Variants in ZRANB3 observed in about 807,000 individuals in gnomAD.
ZRANB3 encodes DNA annealing helicase and endonuclease ZRANB3.
Under a neutral mutation model 133.8 loss-of-function variants are expected in ZRANB3, and 125 were observed. That is an observed-to-expected ratio of 0.93 (90% CI 0.81 to 1.08). The LOEUF is 1.08. Among genes scored for constraint, ZRANB3 ranks in the 50% least tolerant of loss-of-function variants. The pLI is 0.00. For synonymous variants in ZRANB3, 387 were observed against 432.7 expected (o/e 0.89, Z 1.31); for missense variants, 1,229 against 1,275.5 (o/e 0.96, Z 0.56).
chr2:135,319,510 C>T (rs1425564224), intron 6 of ZRANB3, among the ~76,000 whole-genome samples: 1 of 151,888 alleles, frequency 6.6e-6, no homozygotes, highest in Non-Finnish European at 1.5e-5. Context: ...TGTGTGTGTA[C>T]ATATATTTCT....
chr2:135,416,193 G>A (rs1198911266), intron 2 of ZRANB3, among the ~76,000 whole-genome samples: 34 of 151,714 alleles, frequency 2.2e-4, no homozygotes, highest in African/African-American at 3.9e-4. Flanking sequence ...TGACATGATT[G>A]TATATCTAGA....
chr2:135,420,091 T>TTATATATATA (rs201217358), intron 2 of ZRANB3, among the ~76,000 whole-genome samples: 2,342 of 72,114 alleles, frequency 0.032, 65 homozygotes, highest in Admixed American at 0.04. Context: ...TATCTTAGAT[T>TTATATATATA]TATATATATA....
intron 2 of ZRANB3, among the ~76,000 whole-genome samples, chr2:135,409,283 C>T (rs757925502): frequency 8.5e-5 from 13 of 152,110 alleles, no homozygotes; most frequent in Non-Finnish European, 1.3e-4. Flanking sequence ...CAAACATCTC[C>T]CACCAGGCCT....
intron 1 of ZRANB3, among the ~76,000 whole-genome samples, chr2:135,517,629 TG>T (rs1202050871): frequency 1.3e-5 from 2 of 152,240 alleles, no homozygotes; most frequent in African/African-American, 4.8e-5. Flanking sequence ...GGTTGCTGCC[TG>T]TTCCTTCCTC....
intron 8 of ZRANB3, among the ~76,000 whole-genome samples, chr2:135,297,406 G>A (rs946617589): frequency 9.8e-5 from 15 of 152,288 alleles, no homozygotes; most frequent in African/African-American, 2.2e-4. Flanking sequence ...CTAGTGTGCC[G>A]TTTGTGAAGC....
chr2:135,286,994 C>T (rs941947511), intron 8 of ZRANB3, among the ~76,000 whole-genome samples: 2 of 152,138 alleles, frequency 1.3e-5, no homozygotes, highest in Non-Finnish European at 2.9e-5. Context: ...AACTCTTTGC[C>T]TAGGCCAATA....
At chr2:135,242,627 C>G (rs1015453283) in intron 12 of ZRANB3, among the ~76,000 whole-genome samples, 7 of 151,922 alleles carry the variant, frequency 4.6e-5, no homozygotes. Context: ...TGTGTCCTTC[C>G]GTCCTGGGAA....
chr2:135,257,228 T>C (rs1381573190), intron 12 of ZRANB3, among the ~76,000 whole-genome samples: 2 of 152,236 alleles, frequency 1.3e-5, no homozygotes, highest in Non-Finnish European at 2.9e-5. Context: ...CTTTACTTTG[T>C]AGACTCACCC....
At chr2:135,483,070 A>G (rs1691911428) in intron 2 of ZRANB3, among the ~76,000 whole-genome samples, 1 of 152,114 alleles carries the variant, frequency 6.6e-6, no homozygotes, top group Non-Finnish European at 1.5e-5. Flanking sequence ...ATATTGGTCT[A>G]AAATTCTCTT....
At chr2:135,291,186 CT>C (rs199499131) in intron 8 of ZRANB3, among the ~76,000 whole-genome samples, 10 of 146,700 alleles carry the variant, frequency 6.8e-5, no homozygotes, top group Admixed American at 1.4e-4. Context: ...ATTCTTAATT[CT>C]TTTTTTTTTG....
chr2:135,501,288 T>C (rs987800700), intron 2 of ZRANB3, among the ~76,000 whole-genome samples: 8 of 152,102 alleles, frequency 5.3e-5, no homozygotes, highest in African/African-American at 1.9e-4. Context: ...CACCAGAATA[T>C]ACTCCTCACT....
intron 2 of ZRANB3, among the ~76,000 whole-genome samples, chr2:135,495,739 G>T (rs1021509182): frequency 1.1e-4 from 16 of 152,230 alleles, no homozygotes; most frequent in Non-Finnish European, 2.2e-4. Context: ...AATTTAGGAG[G>T]ATGGGGTTGT....
At chr2:135,340,135 T>G (rs1337646877) in intron 6 of ZRANB3, among the ~76,000 whole-genome samples, 1 of 151,102 alleles carries the variant, frequency 6.6e-6, no homozygotes, top group Non-Finnish European at 1.5e-5. Context: ...GACAGAGTCT[T>G]GCTCTTGTCG....
At position 135,474,510 on chromosome 2, in the gene ZRANB3, G is replaced by A. The variant is rs188860421; in HGVS notation, c.161+29819C>T. Reference sequence around the variant, plus strand: ...CACACGTTTAGTTACCATGAAATCTGATCATTCAAAAGAAGCTGGCGCCTC... The same window carrying A: ...CACACGTTTAGTTACCATGAAATCTAATCATTCAAAAGAAGCTGGCGCCTC... On this transcript the variant is annotated intron_variant, in intron 2 of 20. Transcript: ENST00000264159. Among the ~76,000 whole-genome samples, 11 of 152,124 alleles carry A rather than the reference G, an allele frequency of 7.2e-5. No individual in the cohort carries two copies. The East Asian group carries it at 1.9e-3, about 27-fold the overall frequency.
At chr2:135,463,625 C>T (rs1263299113) in intron 2 of ZRANB3, among the ~76,000 whole-genome samples, 2 of 152,110 alleles carry the variant, frequency 1.3e-5, no homozygotes, top group African/African-American at 4.8e-5. Context: ...CCATGTTGGG[C>T]AGGCTGATCT....
intron 11 of ZRANB3, 37 bp downstream of exon 11, chr2:135,268,921 TAGTA>T (rs1483192424): frequency 4.5e-6 from 7 of 1,560,878 alleles, no homozygotes; most frequent in Non-Finnish European, 5.2e-6. Flanking sequence ...CTATGGTTAA[TAGTA>T]AGTAAGCTGC....
chr2:135,325,390 T>C (rs1481856971), intron 6 of ZRANB3, among the ~76,000 whole-genome samples: 1 of 152,142 alleles, frequency 6.6e-6, no homozygotes, highest in Non-Finnish European at 1.5e-5. Flanking sequence ...TGATGAGGTT[T>C]TATTTTAAAG....
intron 2 of ZRANB3, among the ~76,000 whole-genome samples, chr2:135,467,295 A>G (rs992613805): frequency 1.1e-4 from 17 of 152,126 alleles, no homozygotes; most frequent in Admixed American, 2.6e-4. Context: ...CCTTGTCCAT[A>G]TCTACAGTTA....
At chr2:135,397,388 C>A (rs1299877164) in intron 2 of ZRANB3, among the ~76,000 whole-genome samples, 1 of 149,402 alleles carries the variant, frequency 6.7e-6, no homozygotes, top group African/African-American at 2.5e-5. Context: ...GTTTAATCTG[C>A]AGTGAGGCAT....
Sources: gnomAD v4.1 joint callset for allele counts (sites outside exome capture counted in the v4.1 genomes callset) on GRCh38, gnomAD v4.1.1 for gene constraint, MANE v1.5 for transcripts, NCBI Gene and HGNC (gene_info 2026-07-23, HGNC 2026-07-21) for gene names.